PSD2: variants seen among roughly 807,000 people sequenced by gnomAD.
PSD2 encodes the protein PH and SEC7 domain-containing protein 2.
In PSD2, 38 loss-of-function variants were observed where a neutral mutation model predicts 69.8. The ratio of observed to expected loss-of-function variants is 0.54; its 90% confidence interval spans 0.42 to 0.71. The LOEUF (loss-of-function observed/expected upper bound fraction) is 0.71, where lower values mean the gene tolerates loss of function less well. PSD2 is among the 30% of genes least tolerant of loss of function. PSD2 has a pLI of 0.00. For synonymous variants in PSD2, 412 were observed against 423.0 expected (o/e 0.97, Z 0.32); for missense variants, 943 against 1,014.5 (o/e 0.93, Z 0.96).
At position 139,809,619 on chromosome 5, in the gene PSD2, C is replaced by A; in HGVS notation, c.179C>A (p.Pro60His). Reference sequence around the variant, plus strand: ...GGCACCCCAGCGGACACTGAGGAACCCACGAAGGACCCAGATGTGGCCTTC... The same window carrying A: ...GGCACCCCAGCGGACACTGAGGAACACACGAAGGACCCAGATGTGGCCTTC... ...RRGTPADTEE[P>H]TKDPDVAFHG... The change falls in exon 2 of 15, where the codon CCC (proline) becomes CAC (histidine). Residue 60 changes from proline to histidine, a missense_variant. Coordinates refer to ENST00000274710, the MANE Select transcript of PSD2 (RefSeq NM_032289.4). 6.2e-7 allele frequency: 1 copy of A among 1,614,268 alleles called. No homozygotes were observed. The highest frequency in any genetic ancestry group is 1.3e-5 in the African/African-American group (1 of 75,066).
chr5:139,778,256 A>C, the PSD2 span, among the ~76,000 whole-genome samples: 1 of 152,206 alleles, frequency 6.6e-6, no homozygotes, highest in African/African-American at 2.4e-5. Context: ...GAATGTCATG[A>C]AAATAGGAAG....
In PSD2 at chr5:139,817,700, A is replaced by G. The variant is rs1257127265; in HGVS notation, c.1097+139A>G. On this transcript the variant is annotated intron_variant, in intron 5 of 14. Coordinates refer to ENST00000274710, the MANE Select transcript of PSD2 (RefSeq NM_032289.4). ...CTGGTGAGGCTGTGGGGAAGGGGCC[A>G]CAGGAGCAGCAGCGGCCCAACAGTT... 4 of 703,828 alleles carry G rather than the reference A, an allele frequency of 5.7e-6. No homozygotes were observed. In the Admixed American group the frequency reaches 1.0e-4, roughly 18 times the overall value. 43.6% of individuals were successfully genotyped at this position (703,828 alleles called of 1,614,324 possible).
chr5:139,788,406 C>T, the PSD2 span, among the ~76,000 whole-genome samples: 1 of 151,894 alleles, frequency 6.6e-6, no homozygotes, highest in Non-Finnish European at 1.5e-5. Flanking sequence ...AACCGCGCCG[C>T]GCGCCCCGCT....
the PSD2 span, among the ~76,000 whole-genome samples, chr5:139,766,952 T>TCTTTCTTTCTTTCTTC: frequency 3.2e-4 from 43 of 132,968 alleles, 1 homozygote; most frequent in Admixed American, 7.9e-4. Flanking sequence ...TTTCTTTCTT[T>TCTTTCTTTCTTTCTTC]CTTTCTTTCT....
At chr5:139,796,403 C>A (rs942629646) in intron 1 of PSD2, among the ~76,000 whole-genome samples, 6 of 152,194 alleles carry the variant, frequency 3.9e-5, no homozygotes, top group Non-Finnish European at 7.3e-5. Flanking sequence ...CATTGGGTAC[C>A]GGGGCCTGCC....
At chr5:139,751,839 G>A in the PSD2 span, among the ~76,000 whole-genome samples, 2 of 149,024 alleles carry the variant, frequency 1.3e-5, no homozygotes, top group East Asian at 2.0e-4. Context: ...TGTCACCCAG[G>A]CTGGAGTGCT....
the PSD2 span, among the ~76,000 whole-genome samples, chr5:139,751,575 T>C: frequency 6.6e-6 from 1 of 152,228 alleles, no homozygotes; most frequent in South Asian, 2.1e-4. Context: ...GGCTCTACTT[T>C]ACTTGTTGAG....
the PSD2 span, among the ~76,000 whole-genome samples, chr5:139,760,977 C>A: frequency 6.6e-6 from 1 of 152,172 alleles, no homozygotes; most frequent in Non-Finnish European, 1.5e-5. Context: ...TAGCCCTTCC[C>A]TGGTGGTCTA....
intron 2 of PSD2, 32 bp downstream of exon 2, chr5:139,809,843 A>C (rs753792996): frequency 2.4e-5 from 38 of 1,608,344 alleles, no homozygotes; most frequent in Non-Finnish European, 3.0e-5. Flanking sequence ...GGAGCTCACC[A>C]CATTTGGCTG....
At position 139,822,792 on chromosome 5, in the gene PSD2, G is replaced by A; in HGVS notation, c.1269+8G>A. 3 of 1,603,982 alleles carry A rather than the reference G, an allele frequency of 1.9e-6. No homozygotes were observed. The highest frequency in any genetic ancestry group is 2.6e-6 in the Non-Finnish European group (3 of 1,174,924). On this transcript the variant is annotated splice_region_variant and intron_variant, in intron 7 of 14. Coordinates refer to ENST00000274710, the MANE Select transcript of PSD2 (RefSeq NM_032289.4). ...ACGGACCTGCACGGCCACGTGAGTT[G>A]GGGAGGTGACGGGGGGTGTCGCATG...
the PSD2 span, among the ~76,000 whole-genome samples, chr5:139,773,245 C>G: frequency 6.6e-6 from 1 of 152,078 alleles, no homozygotes; most frequent in Non-Finnish European, 1.5e-5. Flanking sequence ...ACCTACCTTC[C>G]TTTCTTCCTA....
rs1760066733 is a variant in PSD2, at chr5:139,814,428, G to C, written c.1016+64G>C. ...CTCGTGTCTTCCTCAACCTGAAGAG[G>C]GTGTGGGTGACCTTCTTCAGGGGTG... On this transcript the variant is annotated intron_variant, in intron 4 of 14. Transcript: ENST00000274710. This position sits in a 1 kb window ranked among gnomAD's most constrained non-coding sequence, Gnocchi z 4.4. The C allele has an allele frequency of 6.9e-7, 1 of 1,457,880 alleles. No individual in the cohort carries two copies. Among genetic ancestry groups the C allele is most frequent in the Non-Finnish European group, 9.1e-7 (1 of 1,095,884 alleles). The allele number at this position is 1,457,880 out of a possible 1,614,324, so 90.3% of individuals were successfully genotyped here.
chr5:139,800,047 C>G (rs1182351049), intron 1 of PSD2, among the ~76,000 whole-genome samples: 1 of 152,152 alleles, frequency 6.6e-6, no homozygotes, highest in African/African-American at 2.4e-5. Context: ...TAGCCCACTG[C>G]AGGGGATGGA....
At chr5:139,812,636 G>A (rs575237894) in intron 2 of PSD2, among the ~76,000 whole-genome samples, 1 of 152,320 alleles carries the variant, frequency 6.6e-6, no homozygotes, top group East Asian at 1.9e-4. Flanking sequence ...CGGAGCAGGA[G>A]GCCAGTGTGC....
At position 139,809,457 on chromosome 5, in the gene PSD2, T is replaced by G; in HGVS notation, c.17T>G (p.Leu6Arg). Residue 6 changes from leucine to arginine, a missense_variant, in exon 2 of 15, where the codon CTC becomes CGC. Physicochemically the swap from Leu to Arg is moderately radical, Grantham distance 102 (BLOSUM62 -2). This residue lies in a region of PSD2 where 466 missense variants were observed against 445.0 expected (regional missense o/e 1.05). Transcript: ENST00000274710. The part of the protein sequence containing the change: MEEDK[L>R]LSAVPEEGDA... ...GTGGCTGCCATGGAGGAGGACAAGC[T>G]CTTATCTGCAGTGCCTGAGGAAGGC... The G allele has an allele frequency of 1.2e-6, 2 of 1,611,906 alleles. No individual in the cohort carries two copies. Among genetic ancestry groups the G allele is most frequent in the Non-Finnish European group, 1.7e-6 (2 of 1,179,478 alleles).
At chr5:139,838,458 T>C (rs1297710219) in intron 12 of PSD2, among the ~76,000 whole-genome samples, 170 bp from the exon 13 acceptor site, 1 of 152,128 alleles carries the variant, frequency 6.6e-6, no homozygotes, top group Admixed American at 6.5e-5. Flanking sequence ...CGTGCATAGC[T>C]CTGGCCAGGC....
chr5:139,824,892 G>C (rs911455412), intron 7 of PSD2, among the ~76,000 whole-genome samples: 2 of 151,954 alleles, frequency 1.3e-5, no homozygotes, highest in African/African-American at 4.8e-5. Context: ...TGGGGATCTC[G>C]GGAACAGGGG....
At chr5:139,761,901 C>T in the PSD2 span, among the ~76,000 whole-genome samples, 1 of 152,204 alleles carries the variant, frequency 6.6e-6, no homozygotes, top group African/African-American at 2.4e-5. Flanking sequence ...CTCTGGAAGG[C>T]AGCTGTCCAG....
chr5:139,822,044 C>CTGA, intron 6 of PSD2, 39 bp downstream of exon 6: 1 of 1,369,324 alleles, frequency 7.3e-7, no homozygotes, highest in Non-Finnish European at 1.0e-6. Context: ...CCTCCCCACC[C>CTGA]ACTCAGCCAG....
Sources: gnomAD v4.1 joint callset for allele counts (sites outside exome capture counted in the v4.1 genomes callset) on GRCh38, gnomAD v4.1.1 for gene constraint, gnomAD v4.1.1 regional missense constraint, Gnocchi (gnomAD v3.1) non-coding constraint, MANE v1.5 for transcripts, NCBI Gene and HGNC (gene_info 2026-07-23, HGNC 2026-07-21) for gene names.